The following ADAM17 variants were observed in gnomAD, a reference collection of about 807,000 sequenced individuals.
ADAM17 encodes the protein ADAM metallopeptidase domain 17.
A neutral mutation model predicts 96.7 loss-of-function variants in ADAM17; 39 were observed. That is an observed-to-expected ratio of 0.40 (90% CI 0.31 to 0.53). The LOEUF (loss-of-function observed/expected upper bound fraction) is 0.53, where lower values mean the gene tolerates loss of function less well. Among genes scored for constraint, ADAM17 ranks in the 20% least tolerant of loss-of-function variants. The pLI is 0.44. For missense variants in ADAM17, 777 were observed against 1,013.2 expected, an observed-to-expected ratio of 0.77 and a Z score of 3.17; for synonymous variants, 344 against 359.2, an observed-to-expected ratio of 0.96 and a Z score of 0.48.
intron 12 of ADAM17, 29 bp from the exon 13 acceptor site, chr2:9,502,305 G>C (rs969737216): frequency 3.2e-6 from 5 of 1,564,480 alleles, no homozygotes; most frequent in Admixed American, 3.4e-5. Flanking sequence ...CAGGAACAGA[G>C]CAATTCAAAT....
At chr2:9,538,215 A>T (rs1047476344) in intron 2 of ADAM17, among the ~76,000 whole-genome samples, 5 of 152,228 alleles carry the variant, frequency 3.3e-5, no homozygotes, top group African/African-American at 1.2e-4. Flanking sequence ...CACCAAAGAC[A>T]AAGAAAGGTA....
At position 9,536,010 on chromosome 2, in the gene ADAM17, G is replaced by A. The variant is rs1002298025; in HGVS notation, c.362-88C>T. On this transcript the variant is annotated intron_variant, in intron 3 of 18. Coordinates refer to ENST00000310823, the MANE Select transcript of ADAM17 (RefSeq NM_003183.6). The stretch of plus-strand genomic sequence containing the variant: ...CTCTCAATAAAAATTAAATCCTTCA[G>A]GGTGGAATTTGCCTAGTACTGTGAG... 4 of 910,368 alleles carry A rather than the reference G, an allele frequency of 4.4e-6. No homozygotes were observed. In the African/African-American group the frequency reaches 5.2e-5, roughly 12 times the overall value. 56.4% of individuals were successfully genotyped at this position (910,368 alleles called of 1,614,324 possible).
chr2:9,502,489 A>G (rs1663065571), intron 12 of ADAM17, among the ~76,000 whole-genome samples: 1 of 152,148 alleles, frequency 6.6e-6, no homozygotes, highest in Non-Finnish European at 1.5e-5. Context: ...TAAATGCCAC[A>G]CTATAGGAGA....
chr2:9,534,222 A>C (rs1312797441), intron 4 of ADAM17, among the ~76,000 whole-genome samples: 1 of 152,166 alleles, frequency 6.6e-6, no homozygotes, highest in Non-Finnish European at 1.5e-5. Flanking sequence ...TACAAAAATT[A>C]GCCAGGTGAG....
chr2:9,516,876 A>G (rs1312427556), intron 10 of ADAM17, among the ~76,000 whole-genome samples: 3 of 152,196 alleles, frequency 2.0e-5, no homozygotes, highest in African/African-American at 7.2e-5. Context: ...ACAGCAATAT[A>G]CTCAGCTAAA....
chr2:9,502,490 CTA>C (rs943735776), intron 12 of ADAM17, among the ~76,000 whole-genome samples: 1 of 152,252 alleles, frequency 6.6e-6, no homozygotes, highest in African/African-American at 2.4e-5. Context: ...AAATGCCACA[CTA>C]TAGGAGAAAA....
chr2:9,546,860 C>T (rs928859751), intron 1 of ADAM17, among the ~76,000 whole-genome samples: 1 of 152,126 alleles, frequency 6.6e-6, no homozygotes, highest in Non-Finnish European at 1.5e-5. Flanking sequence ...CAGGTGCACA[C>T]CACCTATCCA....
chr2:9,522,269 C>G (rs1664345994), intron 7 of ADAM17: 3 of 415,142 alleles, frequency 7.2e-6, no homozygotes, highest in Non-Finnish European at 1.3e-5. Flanking sequence ...GTGTCAAATA[C>G]AGACATATAC....
At chr2:9,540,693 C>T (rs1479917887) in intron 2 of ADAM17, among the ~76,000 whole-genome samples, 1 of 152,130 alleles carries the variant, frequency 6.6e-6, no homozygotes, top group East Asian at 1.9e-4. Flanking sequence ...ATACTAAGCA[C>T]TGCTACAATT....
intron 4 of ADAM17, among the ~76,000 whole-genome samples, chr2:9,535,503 A>G (rs889077537): frequency 1.3e-5 from 2 of 152,180 alleles, no homozygotes; most frequent in African/African-American, 4.8e-5. Flanking sequence ...AGAAATTGAA[A>G]AATAATACTT....
At chr2:9,535,125 G>C (rs1037120489) in intron 4 of ADAM17, among the ~76,000 whole-genome samples, 1 of 152,142 alleles carries the variant, frequency 6.6e-6, no homozygotes, top group South Asian at 2.1e-4. Context: ...CCAGCAGACT[G>C]TTTTACCCCT....
chr2:9,529,251 A>G (rs966003296), intron 4 of ADAM17, among the ~76,000 whole-genome samples: 2 of 152,138 alleles, frequency 1.3e-5, no homozygotes, highest in Non-Finnish European at 2.9e-5. Context: ...GGAGTTTGAG[A>G]ACAGCCTGGC....
chr2:9,524,192 A>C (rs781295927), intron 6 of ADAM17, among the ~76,000 whole-genome samples: 5 of 152,148 alleles, frequency 3.3e-5, no homozygotes, highest in African/African-American at 4.8e-5. Context: ...TTAGTAGTTA[A>C]ATTTTTGGAG....
intron 15 of ADAM17, 107 bp downstream of exon 15, chr2:9,494,530 G>A: frequency 2.3e-6 from 3 of 1,307,952 alleles, no homozygotes; most frequent in Admixed American, 2.0e-5. Flanking sequence ...CCAGAAGGAT[G>A]TAGCCCCACT....
At chr2:9,517,811 A>T (rs910709874) in intron 10 of ADAM17, 90 bp downstream of exon 10, 71 of 846,056 alleles carry the variant, frequency 8.4e-5, no homozygotes, top group Non-Finnish European at 1.1e-4. Context: ...TATATATTAC[A>T]TTTTTTAAAA....
At chr2:9,554,367 A>G (rs2125048818) in intron 1 of ADAM17, among the ~76,000 whole-genome samples, 1 of 152,254 alleles carries the variant, frequency 6.6e-6, no homozygotes, top group Non-Finnish European at 1.5e-5. Context: ...CTGACTTACC[A>G]CTTCTCAGCA....
chr2:9,512,170 A>T (rs1180860471), intron 10 of ADAM17: 1 of 152,178 alleles, frequency 6.6e-6, no homozygotes, highest in Non-Finnish European at 1.5e-5. Context: ...AATTTTTAGC[A>T]AAAGCACTCA....
rs1425753505 is a variant in ADAM17 at position 9,489,950 on chromosome 2, CTAAAACCTG to C, written c.*218_*226del. ...CACAGGTCAAAAGATATTTTAAAAA[CTAAAACCTG>C]AAAGCCTCAAAATAAGCTAGATTCA... is the stretch of plus-strand genomic sequence containing the variant. On this transcript the variant is annotated 3_prime_UTR_variant, in exon 19 of 19. Transcript: ENST00000310823. The C allele has an allele frequency of 2.2e-6, 1 of 455,822 alleles. No homozygotes were observed. Among genetic ancestry groups the C allele is most frequent in the Non-Finnish European group, 3.9e-6 (1 of 258,224 alleles). The allele number at this position is 455,822 out of a possible 1,614,324, so 28.2% of individuals were successfully genotyped here.
chr2:9,517,828 C>A, intron 10 of ADAM17, 73 bp downstream of exon 10: 2 of 987,886 alleles, frequency 2.0e-6, no homozygotes, highest in South Asian at 3.1e-5. Flanking sequence ...AAAAAAATAC[C>A]TACATAAATA....
Sources: allele counts gnomAD v4.1 joint callset (sites outside exome capture counted in the v4.1 genomes callset), GRCh38; gene constraint gnomAD v4.1.1; transcripts MANE v1.5; gene names NCBI Gene and HGNC (gene_info 2026-07-23, HGNC 2026-07-21).